RGS14: variants seen among roughly 807,000 people sequenced by gnomAD.
RGS14 encodes regulator of G-protein signaling 14.
Under a neutral mutation model 63.8 loss-of-function variants are expected in RGS14, and 33 were observed. The observed-to-expected ratio is 0.52, with a 90% CI of 0.39 to 0.69. RGS14 has a LOEUF of 0.69. RGS14 is among the 30% of genes least tolerant of loss of function. RGS14 has a pLI of 0.00. For synonymous variants in RGS14, 296 were observed against 320.9 expected (o/e 0.92, Z 0.83); for missense variants, 739 against 742.9 (o/e 0.99, Z 0.06).
chr5:177,358,406 A>C lies in RGS14; in HGVS notation c.45+337A>C, dbSNP rs1761874404. Among the ~76,000 whole-genome samples, 1 of 151,850 alleles carries C rather than the reference A, an allele frequency of 6.6e-6. No homozygotes were observed. The highest frequency in any genetic ancestry group is 2.4e-5 in the African/African-American group (1 of 41,296). Reference sequence around the variant, plus strand: ...TGCTCCTTGCCCCCTGCCCATCCCCACAGTGGCTCAAGCCCCTACATCCCG... The same window carrying C: ...TGCTCCTTGCCCCCTGCCCATCCCCCCAGTGGCTCAAGCCCCTACATCCCG... On this transcript the variant is annotated intron_variant, in intron 1 of 14. Coordinates refer to ENST00000408923, the MANE Select transcript of RGS14 (RefSeq NM_006480.5). The surrounding 1 kb of genome is among the most constrained non-coding windows in gnomAD (Gnocchi z 4.8).
chr5:177,372,024 A>G lies in RGS14; in HGVS notation c.1650A>G (p.Ala550=). ...SEETPPQTKS[A]AQPIGGSLNS... ...AGACCCCACCACAGACCAAATCAGC[A>G]GCCCAGCCCATCGGGGGATCCTTGA... Residue 550 remains alanine, a synonymous_variant, in exon 15 of 15, where the codon GCA becomes GCG. Coordinates refer to ENST00000408923, the MANE Select transcript of RGS14 (RefSeq NM_006480.5). The G allele has an allele frequency of 6.2e-7, 1 of 1,614,128 alleles. No homozygotes were observed. Among genetic ancestry groups the G allele is most frequent in the Non-Finnish European group, 8.5e-7 (1 of 1,180,006 alleles).
In RGS14 at chr5:177,372,247, C is replaced by A; in HGVS notation, c.*172C>A. On this transcript the variant is annotated 3_prime_UTR_variant, in exon 15 of 15. Coordinates refer to ENST00000408923, the MANE Select transcript of RGS14 (RefSeq NM_006480.5). ...AAAGGGGACTCAGATGAGACACACCCCACAGCTGCCACCGCCTTGTCCCTC... is the reference window on the plus strand; with the variant it reads ...AAAGGGGACTCAGATGAGACACACCACACAGCTGCCACCGCCTTGTCCCTC... 1.6e-6 allele frequency: 1 copy of A among 629,804 alleles called. No homozygotes were observed. The highest frequency in any genetic ancestry group is 2.8e-6 in the Non-Finnish European group (1 of 362,104). 39.0% of individuals were successfully genotyped at this position (629,804 alleles called of 1,614,324 possible).
At position 177,372,205 on chromosome 5, in the gene RGS14, A is replaced by G; in HGVS notation, c.*130A>G. ...TCCTGCCATGGGCAGGCCCGCAGGA[A>G]GAGCCGGTAGGGGTGGAAAGGGGAC... On this transcript the variant is annotated 3_prime_UTR_variant, in exon 15 of 15. Coordinates refer to ENST00000408923, the MANE Select transcript of RGS14 (RefSeq NM_006480.5). 2.2e-6 allele frequency: 2 copies of G among 908,894 alleles called. No individual in the cohort carries two copies. The highest frequency in any genetic ancestry group is 3.4e-6 in the Non-Finnish European group (2 of 593,856). 56.3% of individuals were successfully genotyped at this position (908,894 alleles called of 1,614,324 possible).
rs1761861737 is a variant in RGS14 at position 177,358,020 on chromosome 5, G to A, written c.-5G>A. 7.3e-7 allele frequency: 1 copy of A among 1,360,682 alleles called. No homozygotes were observed. The highest frequency in any genetic ancestry group is 9.6e-7 in the Non-Finnish European group (1 of 1,046,686). The allele number at this position is 1,360,682 out of a possible 1,614,324, so 84.3% of individuals were successfully genotyped here. ...CCGCGGCGGGGACCCCTGATCGGCAGCGGCATGCCAGGGAAGCCCAAGCAC... is the reference window on the plus strand; with the variant it reads ...CCGCGGCGGGGACCCCTGATCGGCAACGGCATGCCAGGGAAGCCCAAGCAC... On this transcript the variant is annotated 5_prime_UTR_variant, in exon 1 of 15. Transcript: ENST00000408923. This position sits in a 1 kb window ranked among gnomAD's most constrained non-coding sequence, Gnocchi z 4.8.
chr5:177,371,295 G>A lies in RGS14; in HGVS notation c.1336+49G>A. The A allele has an allele frequency of 1.2e-6, 2 of 1,614,060 alleles. No individual in the cohort carries two copies. Among genetic ancestry groups the A allele is most frequent in the Non-Finnish European group, 1.7e-6 (2 of 1,179,914 alleles). ...TTGATCTGGAACAGCTGTGGCCCAG[G>A]AGGAAGGGGGTCCAGGTGGGAGGCA... On this transcript the variant is annotated intron_variant, in intron 12 of 14. Coordinates refer to ENST00000408923, the MANE Select transcript of RGS14 (RefSeq NM_006480.5). This position sits in a 1 kb window ranked among gnomAD's most constrained non-coding sequence, Gnocchi z 6.1.
intron 1 of RGS14, among the ~76,000 whole-genome samples, chr5:177,362,893 A>G (rs962612519): frequency 2.0e-5 from 3 of 152,322 alleles, no homozygotes; most frequent in African/African-American, 7.2e-5. Flanking sequence ...AGGGCCAAAC[A>G]AAATTGAAGT....
chr5:177,372,147 G>C lies in RGS14; in HGVS notation c.*72G>C. On this transcript the variant is annotated 3_prime_UTR_variant, in exon 15 of 15. Coordinates refer to ENST00000408923, the MANE Select transcript of RGS14 (RefSeq NM_006480.5). Reference sequence around the variant, plus strand: ...AGCATGCCATGGGTCCGCTCTGCATGCCCTGTCTGTGCCATGAGTGTCCCT... The same window carrying C: ...AGCATGCCATGGGTCCGCTCTGCATCCCCTGTCTGTGCCATGAGTGTCCCT... The C allele has an allele frequency of 7.0e-7, 1 of 1,424,626 alleles. No individual in the cohort carries two copies. The highest frequency in any genetic ancestry group is 9.7e-7 in the Non-Finnish European group (1 of 1,028,788). 88.2% of individuals were successfully genotyped at this position (1,424,626 alleles called of 1,614,324 possible).
In RGS14 at chr5:177,370,517, G is replaced by C. The variant is rs140531554; in HGVS notation, c.1054-74G>C. The C allele has an allele frequency of 4.8e-4, 662 of 1,372,822 alleles. 3 individuals are homozygous for C. The African/African-American group carries it at 8.3e-3, about 17-fold the overall frequency. 85.0% of individuals were successfully genotyped at this position (1,372,822 alleles called of 1,614,324 possible). A position where few individuals can be genotyped will look rare whatever the true frequency, so the allele number is the denominator to read the frequency against. On this transcript the variant is annotated intron_variant, in intron 9 of 14. Coordinates refer to ENST00000408923, the MANE Select transcript of RGS14 (RefSeq NM_006480.5). ...AGTGGTGGCCATGGGAGGGCGTGAA[G>C]TTGTTCTCAGACCCACAGGGATGGC... is the stretch of plus-strand genomic sequence containing the variant.
rs746132172 is a variant in RGS14 at position 177,368,846 on chromosome 5, A to G, written c.979A>G (p.Met327Val). Residue 327 changes from methionine (M) to valine (V), a missense_variant, in exon 9 of 15, where the codon ATG becomes GTG. Physicochemically the swap from Met to Val is conservative, Grantham distance 21 (BLOSUM62 1). Coordinates refer to ENST00000408923, the MANE Select transcript of RGS14 (RefSeq NM_006480.5). ...CAGACCTGGCCTCACCATCCGAGAC[A>G]TGCTGGCAGGGATCTGTGAGAAACG... is the stretch of plus-strand genomic sequence containing the variant. Reference protein sequence around the residue: ...LARPGLTIRDMLAGICEKRGL... With the variant: ...LARPGLTIRDVLAGICEKRGL... 6.8e-6 allele frequency: 11 copies of G among 1,614,242 alleles called. No individual in the cohort carries two copies. The highest frequency in any genetic ancestry group is 3.3e-5 in the Admixed American group (2 of 60,030).
chr5:177,369,738 G>A (rs537439091), intron 9 of RGS14, among the ~76,000 whole-genome samples: 1 of 152,392 alleles, frequency 6.6e-6, no homozygotes, highest in East Asian at 1.9e-4. Context: ...TGCGGGGCAT[G>A]TTCAGGGGCC....
rs1762295578 is a variant in RGS14 at position 177,372,387 on chromosome 5, A to C, written c.*312A>C. 9.0e-6 allele frequency: 3 copies of C among 332,766 alleles called. No individual in the cohort carries two copies. The highest frequency in any genetic ancestry group is 1.7e-5 in the Non-Finnish European group (3 of 180,492). The allele number at this position is 332,766 out of a possible 1,614,324, so 20.6% of individuals were successfully genotyped here. A position where few individuals can be genotyped will look rare whatever the true frequency, so the allele number is the denominator to read the frequency against. ...TGGCGTTGGCAGTGCCAGCCTCCCC[A>C]GCCTGTGCCAAGCTTCAACAGGGGC... On this transcript the variant is annotated 3_prime_UTR_variant, in exon 15 of 15. Coordinates refer to ENST00000408923, the MANE Select transcript of RGS14 (RefSeq NM_006480.5).
At chr5:177,360,978 G>A (rs570410393) in intron 1 of RGS14, among the ~76,000 whole-genome samples, 3 of 152,354 alleles carry the variant, frequency 2.0e-5, no homozygotes, top group South Asian at 2.1e-4. Flanking sequence ...GGGAGGGCAC[G>A]GCATAGGCCT....
chr5:177,361,210 T>C (rs778632988), intron 1 of RGS14, among the ~76,000 whole-genome samples: 2 of 152,154 alleles, frequency 1.3e-5, no homozygotes, highest in Non-Finnish European at 2.9e-5. Context: ...CCAGGGGTCA[T>C]CTCCACAGGC....
At chr5:177,363,693 C>A (rs1581616586) in intron 1 of RGS14, among the ~76,000 whole-genome samples, 1 of 152,170 alleles carries the variant, frequency 6.6e-6, no homozygotes, top group East Asian at 1.9e-4. Context: ...CGCACCAATC[C>A]TTCGAAGTCA....
chr5:177,367,344 C>T, intron 5 of RGS14, 70 bp from the exon 6 acceptor site: 1 of 1,505,966 alleles, frequency 6.6e-7, no homozygotes, highest in African/African-American at 1.4e-5. Context: ...CCCAAGGACC[C>T]GGCCTGGGTG....
chr5:177,367,351 G>A, intron 5 of RGS14, 63 bp from the exon 6 acceptor site: 1 of 1,522,832 alleles, frequency 6.6e-7, no homozygotes, highest in East Asian at 2.4e-5. Context: ...ACCCGGCCTG[G>A]GTGCAGGCAG....
In RGS14 at chr5:177,372,283, C is replaced by A; in HGVS notation, c.*208C>A. ...ACCGCCTTGTCCCTCAACAAGCTCA[C>A]CCCCAATCCCTTGCAGCCAGGCCAC... On this transcript the variant is annotated 3_prime_UTR_variant, in exon 15 of 15. Coordinates refer to ENST00000408923, the MANE Select transcript of RGS14 (RefSeq NM_006480.5). 2 of 575,938 alleles carry A rather than the reference C, an allele frequency of 3.5e-6. No homozygotes were observed. The highest frequency in any genetic ancestry group is 2.9e-5 in the East Asian group (1 of 34,156). The allele number at this position is 575,938 out of a possible 1,614,324, so 35.7% of individuals were successfully genotyped here.
chr5:177,363,866 T>A (rs1246091135), intron 1 of RGS14, among the ~76,000 whole-genome samples: 1 of 152,192 alleles, frequency 6.6e-6, no homozygotes, highest in Admixed American at 6.5e-5. Flanking sequence ...CCCAGAGGCC[T>A]CTGAGAGGAG....
chr5:177,367,997 CA>C, intron 7 of RGS14, 159 bp from the exon 8 acceptor site: 1 of 1,442,862 alleles, frequency 6.9e-7, no homozygotes, highest in East Asian at 2.5e-5. Flanking sequence ...GGCTAGACCT[CA>C]GACGTTTGGA....
Sources: gnomAD v4.1 joint callset for allele counts (sites outside exome capture counted in the v4.1 genomes callset) on GRCh38, gnomAD v4.1.1 for gene constraint, Gnocchi (gnomAD v3.1) non-coding constraint, MANE v1.5 for transcripts, NCBI Gene and HGNC (gene_info 2026-07-23, HGNC 2026-07-21) for gene names.